SCFD2: variants seen among roughly 807,000 people sequenced by gnomAD.
SCFD2 encodes the protein sec1 family domain-containing protein 2.
In SCFD2, 54 loss-of-function variants were observed where a neutral mutation model predicts 58.9. The ratio of observed to expected loss-of-function variants is 0.92; its 90% CI spans 0.74 to 1.15. The LOEUF is 1.15. Among genes scored for constraint, SCFD2 ranks in the 50% most tolerant of loss-of-function variants. SCFD2 has a pLI of 0.00. For missense variants in SCFD2, 805 were observed against 836.6 expected, an observed-to-expected ratio of 0.96 and a Z score of 0.47; for synonymous variants, 321 against 335.9, an observed-to-expected ratio of 0.96 and a Z score of 0.49.
intron 4 of SCFD2, among the ~76,000 whole-genome samples, chr4:53,220,710 A>C (rs17082514): frequency 6.6e-6 from 1 of 152,364 alleles, no homozygotes; most frequent in East Asian, 1.9e-4. Flanking sequence ...AAGATTCAGA[A>C]GTCACATGCA....
At chr4:53,061,493 T>G (rs1428821381) in intron 5 of SCFD2, among the ~76,000 whole-genome samples, 1 of 152,176 alleles carries the variant, frequency 6.6e-6, no homozygotes, top group African/African-American at 2.4e-5. Flanking sequence ...GTCTTAGGAA[T>G]CTTCCTCTCT....
At chr4:53,026,957 TAC>T (rs1194797400) in intron 5 of SCFD2, among the ~76,000 whole-genome samples, 1 of 152,232 alleles carries the variant, frequency 6.6e-6, no homozygotes, top group African/African-American at 2.4e-5. Context: ...ATGATATGTG[TAC>T]AAATTACTGT....
intron 7 of SCFD2, among the ~76,000 whole-genome samples, chr4:52,904,118 T>C (rs1719289006): frequency 6.6e-6 from 1 of 152,106 alleles, no homozygotes; most frequent in African/African-American, 2.4e-5. Context: ...TCTGCCCTCA[T>C]CCCCGCACAG....
intron 5 of SCFD2, among the ~76,000 whole-genome samples, chr4:53,058,794 T>C (rs1723421990): frequency 1.3e-5 from 2 of 152,286 alleles, no homozygotes; most frequent in South Asian, 4.1e-4. Flanking sequence ...TACAAGTTTA[T>C]ATCTGCTTAT....
At chr4:52,951,497 C>T (rs17081748) in intron 5 of SCFD2, among the ~76,000 whole-genome samples, 238 of 152,278 alleles carry the variant, frequency 1.6e-3, no homozygotes, top group African/African-American at 3.1e-3. Flanking sequence ...GACTAACTTA[C>T]GATTGGAAAG....
intron 5 of SCFD2, among the ~76,000 whole-genome samples, chr4:52,952,763 G>A (rs1720629916): frequency 6.6e-6 from 1 of 152,122 alleles, no homozygotes; most frequent in South Asian, 2.1e-4. Context: ...GGGGACACAT[G>A]TTGGAAACAG....
intron 5 of SCFD2, among the ~76,000 whole-genome samples, chr4:53,012,355 TTCTC>T (rs71195197): frequency 0.027 from 3,904 of 146,020 alleles, 90 homozygotes; most frequent in East Asian, 0.076. Context: ...CTCTCTCTCT[TTCTC>T]TCTCTCTCTC....
intron 4 of SCFD2, among the ~76,000 whole-genome samples, chr4:53,146,376 A>G (rs1393755783): frequency 6.6e-6 from 1 of 152,216 alleles, no homozygotes; most frequent in East Asian, 1.9e-4. Flanking sequence ...CTTAAATAAT[A>G]TGATTTAACT....
rs575188680 is a variant in SCFD2, at chr4:53,137,989, T to C, written c.1561+7344A>G. ...CAGAGCCCCCAGGGCTGGTTGCCTTTGTTCATAAGAGTCTCGTCCACTTAC... is the reference window on the plus strand; with the variant it reads ...CAGAGCCCCCAGGGCTGGTTGCCTTCGTTCATAAGAGTCTCGTCCACTTAC... On this transcript the variant is annotated intron_variant, in intron 5 of 8. Coordinates refer to ENST00000401642, the MANE Select transcript of SCFD2 (RefSeq NM_152540.4). 3.3e-5 allele frequency among the ~76,000 whole-genome samples: 5 copies of C among 152,324 alleles called. No individual in the cohort carries two copies. In the East Asian group the frequency reaches 9.6e-4, roughly 29 times the overall value.
intron 4 of SCFD2, among the ~76,000 whole-genome samples, chr4:53,183,435 T>C (rs927956819): frequency 6.6e-6 from 1 of 151,860 alleles, no homozygotes; most frequent in African/African-American, 2.4e-5. Context: ...TTCTCACTCA[T>C]AGGTGGGAAC....
intron 7 of SCFD2, among the ~76,000 whole-genome samples, chr4:52,897,086 A>T (rs533597649): frequency 6.6e-6 from 1 of 152,334 alleles, no homozygotes; most frequent in East Asian, 1.9e-4. Context: ...TAGATATACA[A>T]TCATGTCATC....
chr4:53,352,490 C>G, intron 2 of SCFD2, 108 bp downstream of exon 2: 1 of 900,064 alleles, frequency 1.1e-6, no homozygotes, highest in South Asian at 2.5e-5. Context: ...GTGAAATTTT[C>G]AACCAGACCA....
At chr4:52,931,205 T>G (rs1719985927) in intron 5 of SCFD2, among the ~76,000 whole-genome samples, 1 of 152,244 alleles carries the variant, frequency 6.6e-6, no homozygotes, top group South Asian at 2.1e-4. Flanking sequence ...CCATTTTCAC[T>G]ATAATAAGTC....
At chr4:53,146,788 T>G (rs940709237) in intron 4 of SCFD2, among the ~76,000 whole-genome samples, 16 of 152,310 alleles carry the variant, frequency 1.1e-4, no homozygotes, top group African/African-American at 3.6e-4. Flanking sequence ...TAGTATAGTA[T>G]ATTATTATAA....
At chr4:53,184,468 C>T (rs9968315) in intron 4 of SCFD2, among the ~76,000 whole-genome samples, 31,659 of 152,056 alleles carry the variant, frequency 0.21, 3,703 homozygotes, top group Non-Finnish European at 0.28. Context: ...AGCAGAACAA[C>T]AGTAACTGGA....
At position 53,145,487 on chromosome 4, in the gene SCFD2, C is replaced by T. The variant is rs748361783; in HGVS notation, c.1407G>A (p.Glu469=). The stretch of plus-strand genomic sequence containing the variant: ...TATATATGAGAAGGATCAGCAGTTC[C>T]TCAGGGCTGTAGTCCTCGTTGGTTC... ...TQRTNEDYSP[E]ELLILLIYIY... is the part of the protein sequence containing the mutation. The change falls in exon 5 of 9, where the codon GAG becomes GAA. Residue 469 remains glutamate, a synonymous_variant. Coordinates refer to ENST00000401642, the MANE Select transcript of SCFD2 (RefSeq NM_152540.4). 4 of 1,614,144 alleles carry T rather than the reference C, an allele frequency of 2.5e-6. No homozygotes were observed. The highest frequency in any genetic ancestry group is 3.4e-6 in the Non-Finnish European group (4 of 1,180,022).
intron 5 of SCFD2, among the ~76,000 whole-genome samples, chr4:52,970,035 C>T (rs951740249): frequency 4.6e-5 from 7 of 152,028 alleles, no homozygotes; most frequent in African/African-American, 1.2e-4. Context: ...ACAATTGGGG[C>T]GTGGAGCCAA....
At position 53,012,508 on chromosome 4, in the gene SCFD2, G is replaced by A. The variant is rs147951994; in HGVS notation, c.1562-91638C>T. On this transcript the variant is annotated intron_variant, in intron 5 of 8. Transcript: ENST00000401642. Reference sequence around the variant, plus strand: ...GAACCCAGGGCTGGCTATTTGGTCCGAGGGGCCACTCTCATGGCCTGTTTG... The same window carrying A: ...GAACCCAGGGCTGGCTATTTGGTCCAAGGGGCCACTCTCATGGCCTGTTTG... Among the ~76,000 whole-genome samples the A allele has an allele frequency of 1.8e-4, 27 of 152,196 alleles. 1 individual carries two copies. Among genetic ancestry groups the A allele is most frequent in the Middle Eastern group, 6.8e-3 (2 of 292 alleles).
At chr4:53,238,078 T>C (rs866990519) in intron 4 of SCFD2, among the ~76,000 whole-genome samples, 270 of 77,802 alleles carry the variant, frequency 3.5e-3, no homozygotes, top group South Asian at 5.1e-3. Context: ...CCCTCCCGGA[T>C]GGGGCGGCTG....
Sources: gnomAD v4.1 joint callset for allele counts (sites outside exome capture counted in the v4.1 genomes callset) on GRCh38, gnomAD v4.1.1 for gene constraint, MANE v1.5 for transcripts, NCBI Gene and HGNC (gene_info 2026-07-23, HGNC 2026-07-21) for gene names.